The following SCHIP1 variants were observed in gnomAD, a reference collection of about 807,000 sequenced individuals.
SCHIP1 encodes schwannomin-interacting protein 1.
Under a neutral mutation model 29.7 loss-of-function variants are expected in SCHIP1, and 8 were observed. The ratio of observed to expected loss-of-function variants is 0.27; its 90% CI spans 0.16 to 0.49. The LOEUF is 0.49. Ranked by LOEUF, SCHIP1 falls within the 20% of genes least tolerant of loss-of-function variation. The pLI is 0.99. For missense variants in SCHIP1, 193 were observed against 294.6 expected (o/e 0.66, Z 2.52); for synonymous variants, 76 against 94.9 (o/e 0.80, Z 1.16).
the SCHIP1 span, among the ~76,000 whole-genome samples, chr3:159,577,384 A>G: frequency 6.6e-6 from 1 of 152,196 alleles, no homozygotes; most frequent in Admixed American, 6.6e-5. Flanking sequence ...GTCAGGTAAC[A>G]TTTTCTGAGC....
At chr3:159,533,962 C>A in the SCHIP1 span, among the ~76,000 whole-genome samples, 1 of 152,172 alleles carries the variant, frequency 6.6e-6, no homozygotes, top group Non-Finnish European at 1.5e-5. Flanking sequence ...GAAAGTCCAA[C>A]CACAGCTTCA....
At chr3:159,886,182 T>G (rs1258803828) in intron 2 of SCHIP1, 25 bp from the exon 4 acceptor site, 2 of 1,612,640 alleles carry the variant, frequency 1.2e-6, no homozygotes, top group African/African-American at 2.7e-5. Flanking sequence ...TAAGTAGAAC[T>G]AGTGTCCTGT....
At chr3:159,425,191 A>G in the SCHIP1 span, among the ~76,000 whole-genome samples, 4 of 152,174 alleles carry the variant, frequency 2.6e-5, no homozygotes, top group South Asian at 2.1e-4. Flanking sequence ...ACACATAACA[A>G]TATTAACTTT....
chr3:159,480,274 A>C, the SCHIP1 span, among the ~76,000 whole-genome samples: 1 of 152,152 alleles, frequency 6.6e-6, no homozygotes, highest in South Asian at 2.1e-4. Context: ...GTATGTGGTT[A>C]TAATAATCAT....
At chr3:159,450,301 C>G in the SCHIP1 span, among the ~76,000 whole-genome samples, 5 of 152,138 alleles carry the variant, frequency 3.3e-5, no homozygotes, top group African/African-American at 1.2e-4. Context: ...GCATTTCATC[C>G]GTAAGTTCTA....
the SCHIP1 span, among the ~76,000 whole-genome samples, chr3:159,689,811 G>C: frequency 1.3e-5 from 2 of 152,214 alleles, no homozygotes; most frequent in Middle Eastern, 6.8e-3. Flanking sequence ...GCATGAAGGG[G>C]TGTTGAATTT....
chr3:159,664,351 T>C, the SCHIP1 span, among the ~76,000 whole-genome samples: 2 of 152,188 alleles, frequency 1.3e-5, no homozygotes, highest in Non-Finnish European at 2.9e-5. Flanking sequence ...ATAGTAGTTA[T>C]AGTCCCTTAT....
intron 2 of SCHIP1, among the ~76,000 whole-genome samples, chr3:159,867,867 A>G (rs1445504866): frequency 6.6e-6 from 1 of 151,740 alleles, no homozygotes; most frequent in Non-Finnish European, 1.5e-5. Flanking sequence ...CTGCTCTCTA[A>G]TATTTCCCAG....
chr3:159,595,708 C>A, the SCHIP1 span, among the ~76,000 whole-genome samples: 1 of 152,178 alleles, frequency 6.6e-6, no homozygotes, highest in African/African-American at 2.4e-5. Flanking sequence ...TGCTTTGCTC[C>A]TAGCCTAAAG....
chr3:159,708,496 T>C, the SCHIP1 span, among the ~76,000 whole-genome samples: 1 of 152,178 alleles, frequency 6.6e-6, no homozygotes, highest in Non-Finnish European at 1.5e-5. Flanking sequence ...CATAGGTGAA[T>C]TGAAATAGGC....
chr3:159,672,288 C>A, the SCHIP1 span, among the ~76,000 whole-genome samples: 5 of 152,164 alleles, frequency 3.3e-5, no homozygotes, highest in African/African-American at 1.2e-4. Context: ...AGTAAGCACT[C>A]AATAAATGTT....
At chr3:159,592,199 C>G in the SCHIP1 span, among the ~76,000 whole-genome samples, 2 of 152,068 alleles carry the variant, frequency 1.3e-5, no homozygotes, top group Admixed American at 1.3e-4. Context: ...TTTTATCCCT[C>G]ATTTCCCATT....
chr3:159,731,819 C>T, the SCHIP1 span, among the ~76,000 whole-genome samples: 2 of 152,268 alleles, frequency 1.3e-5, no homozygotes, highest in African/African-American at 2.4e-5. Flanking sequence ...AAAGGGTTTT[C>T]TGGCCTTTAA....
chr3:159,542,869 T>C, the SCHIP1 span, among the ~76,000 whole-genome samples: 1 of 152,082 alleles, frequency 6.6e-6, no homozygotes, highest in Non-Finnish European at 1.5e-5. Flanking sequence ...ACATAAATAG[T>C]GCACATTGCA....
At chr3:159,853,441 A>T (rs1712915745) in intron 1 of SCHIP1, 1 of 697,980 alleles carries the variant, frequency 1.4e-6, no homozygotes, top group African/African-American at 1.8e-5. Context: ...TTGGATATGG[A>T]GGGGAATTAT....
the SCHIP1 span, among the ~76,000 whole-genome samples, chr3:159,423,830 T>A: frequency 6.6e-6 from 1 of 151,966 alleles, no homozygotes; most frequent in East Asian, 1.9e-4. Flanking sequence ...AGACTGACAC[T>A]TCACACGGCC....
At chr3:159,552,735 G>A in the SCHIP1 span, among the ~76,000 whole-genome samples, 2 of 152,072 alleles carry the variant, frequency 1.3e-5, no homozygotes, top group African/African-American at 4.8e-5. Context: ...GCAGACACAG[G>A]TCTAGAAATA....
At chr3:159,337,577 G>A in the SCHIP1 span, among the ~76,000 whole-genome samples, 139 of 152,034 alleles carry the variant, frequency 9.1e-4, 3 homozygotes, top group South Asian at 0.024. Flanking sequence ...GCCAAATCAC[G>A]AGTGAACTCC....
chr3:159,281,435 AT>A, the SCHIP1 span, among the ~76,000 whole-genome samples: 1 of 152,228 alleles, frequency 6.6e-6, no homozygotes, highest in Non-Finnish European at 1.5e-5. Context: ...TATTTAAAAA[AT>A]AATATGCTTT....
Sources: gnomAD v4.1 joint callset for allele counts (sites outside exome capture counted in the v4.1 genomes callset) on GRCh38, gnomAD v4.1.1 for gene constraint, MANE v1.5 for transcripts, NCBI Gene and HGNC (gene_info 2026-07-23, HGNC 2026-07-21) for gene names.